The following COA1 variants were observed in gnomAD, a reference collection of about 807,000 sequenced individuals.
COA1 encodes cytochrome c oxidase assembly factor 1, also known as cytochrome c oxidase assembly factor 1 homolog.
In COA1, 13 loss-of-function variants were observed where a neutral mutation model predicts 16.0. That is an observed-to-expected ratio of 0.81 (90% CI 0.53 to 1.29). The LOEUF (loss-of-function observed/expected upper bound fraction) is 1.29. COA1 is among the 50% of genes most tolerant of loss of function. The pLI, the probability that COA1 is intolerant of heterozygous loss-of-function variation, is 0.00. For missense variants in COA1, 179 were observed against 177.0 expected (o/e 1.01, Z -0.06); for synonymous variants, 65 against 65.7 (o/e 0.99, Z 0.05).
intron 1 of COA1, among the ~76,000 whole-genome samples, chr7:43,711,106 G>A (rs934795332): frequency 6.6e-6 from 1 of 151,530 alleles, no homozygotes; most frequent in African/African-American, 2.4e-5. Flanking sequence ...CAATTTCAGT[G>A]CAGTGACAGC....
At chr7:43,608,521 GA>G (rs2082637850) in exon 7 of COA1, 1 of 1,215,820 alleles carries the variant, frequency 8.2e-7, no homozygotes, top group African/African-American at 1.5e-5. Context: ...AAGGATATTA[GA>G]ATTGAGTCTT....
At position 43,619,582 on chromosome 7, in the gene COA1, T is replaced by C. The variant is rs772332650; in HGVS notation, c.*134-10087A>G. The C allele has an allele frequency of 3.1e-6, 5 of 1,610,380 alleles. No individual in the cohort carries two copies. In the South Asian group the frequency reaches 5.5e-5, roughly 18 times the overall value. On this transcript the variant is annotated intron_variant and NMD_transcript_variant, in intron 6 of 6. Transcript: ENST00000415076. ...ATAGTTATATTGATTTTTGCGGGGG[T>C]GTATTTTCTTTTAGCCTCAGAATAT...
At chr7:43,640,905 C>G in intron 4 of COA1, 1 of 384,214 alleles carries the variant, frequency 2.6e-6, no homozygotes. Context: ...GCTCTGGGTA[C>G]TTCCAATGAT....
chr7:43,651,941 G>A (rs1452922671), intron 1 of COA1, among the ~76,000 whole-genome samples: 2 of 152,154 alleles, frequency 1.3e-5, no homozygotes, highest in South Asian at 4.1e-4. Flanking sequence ...AGGTTGCCAT[G>A]AGCCGAGACC....
chr7:43,624,545 A>G (rs1415041965), intron 6 of COA1: 10 of 1,613,480 alleles, frequency 6.2e-6, no homozygotes, highest in Non-Finnish European at 7.6e-6. Context: ...AAGAATGTCT[A>G]AAGCACCCCT....
chr7:43,676,724 G>C (rs1435072415), intron 1 of COA1, among the ~76,000 whole-genome samples: 1 of 151,832 alleles, frequency 6.6e-6, no homozygotes, highest in East Asian at 1.9e-4. Context: ...ACCATGGCTT[G>C]ATCATTACAC....
At chr7:43,696,027 G>A (rs2094515734) in intron 1 of COA1, among the ~76,000 whole-genome samples, 1 of 152,176 alleles carries the variant, frequency 6.6e-6, no homozygotes, top group African/African-American at 2.4e-5. Context: ...CAGGACTGGG[G>A]AGGCCTCACA....
At chr7:43,619,748 G>T (rs2153006291) in intron 6 of COA1, 2 of 1,610,990 alleles carry the variant, frequency 1.2e-6, no homozygotes, top group East Asian at 4.5e-5. Context: ...AAGTAGTTTT[G>T]TTCTGGGGTC....
intron 3 of COA1, chr7:43,647,311 T>A: frequency 1.8e-6 from 1 of 563,354 alleles, no homozygotes; most frequent in Non-Finnish European, 3.2e-6. Flanking sequence ...GGGCTTCTTA[T>A]GCATATTAGT....
chr7:43,638,869 A>G (rs1437431166), downstream of COA1: 1 of 152,120 alleles, frequency 6.6e-6, no homozygotes, highest in Non-Finnish European at 1.5e-5. Flanking sequence ...GGGCCACCAC[A>G]CCCAGCCAGA....
intron 3 of COA1, chr7:43,646,584 A>G (rs2089369201): frequency 6.6e-6 from 3 of 456,696 alleles, no homozygotes; most frequent in Non-Finnish European, 1.3e-5. Context: ...GCAGCCTCCT[A>G]AGGGAGAAAG....
At chr7:43,691,330 A>AAAGAAAGAAAGG in intron 1 of COA1, among the ~76,000 whole-genome samples, 1 of 81,268 alleles carries the variant, frequency 1.2e-5, no homozygotes, top group Non-Finnish European at 2.5e-5. Context: ...AGAAAGAAAG[A>AAAGAAAGAAAGG]GAAAGAGAGA....
At chr7:43,671,528 G>A (rs1371501456) in intron 1 of COA1, among the ~76,000 whole-genome samples, 1 of 152,080 alleles carries the variant, frequency 6.6e-6, no homozygotes, top group East Asian at 1.9e-4. Context: ...GGAGGTTAAA[G>A]TCTCTACAAG....
At chr7:43,664,370 G>C (rs1335265822) in intron 1 of COA1, among the ~76,000 whole-genome samples, 1 of 152,054 alleles carries the variant, frequency 6.6e-6, no homozygotes, top group African/African-American at 2.4e-5. Flanking sequence ...AAATAATACT[G>C]TGTCCATATA....
chr7:43,662,571 TTGAA>T (rs907318144), intron 1 of COA1, among the ~76,000 whole-genome samples: 1 of 152,208 alleles, frequency 6.6e-6, no homozygotes, highest in Admixed American at 6.5e-5. Flanking sequence ...TTGCAACAGA[TTGAA>T]TGCAGAAGCA....
chr7:43,703,086 TCATTCTTTACCCAAAA>T (rs2094816209), intron 1 of COA1, among the ~76,000 whole-genome samples: 1 of 152,194 alleles, frequency 6.6e-6, no homozygotes, highest in African/African-American at 2.4e-5. Context: ...TGCCTTAATT[TCATTCTTTACCCAAAA>T]GTCATTCAGG....
At chr7:43,711,169 G>A (rs914817733) in intron 1 of COA1, among the ~76,000 whole-genome samples, 6 of 151,814 alleles carry the variant, frequency 4.0e-5, no homozygotes, top group Non-Finnish European at 5.9e-5. Flanking sequence ...TAAAATGAGG[G>A]TATTAAAGGC....
intron 1 of COA1, among the ~76,000 whole-genome samples, chr7:43,682,889 G>A (rs1222419369): frequency 2.6e-5 from 4 of 152,088 alleles, no homozygotes; most frequent in South Asian, 4.1e-4. Context: ...TTGCTCTGTC[G>A]CCCAGGCTGG....
At chr7:43,650,733 CA>C (rs2090573822) in intron 1 of COA1, 1 of 149,308 alleles carries the variant, frequency 6.7e-6, no homozygotes, top group Non-Finnish European at 1.5e-5. Flanking sequence ...AACAAGATAA[CA>C]AAAATAAAAA....
Sources: gnomAD v4.1 joint callset for allele counts (sites outside exome capture counted in the v4.1 genomes callset) on GRCh38, gnomAD v4.1.1 for gene constraint, MANE v1.5 for transcripts, NCBI Gene and HGNC (gene_info 2026-07-23, HGNC 2026-07-21) for gene names.